Variants in ENOX2 observed in about 807,000 individuals in gnomAD.
ENOX2 encodes the protein ecto-NOX disulfide-thiol exchanger 2.
A neutral mutation model predicts 45.0 loss-of-function variants in ENOX2; 36 were observed. The observed-to-expected ratio is 0.80, with a 90% CI of 0.61 to 1.06. The LOEUF (loss-of-function observed/expected upper bound fraction) is 1.06, where lower values mean the gene tolerates loss of function less well. ENOX2 is among the 50% of genes least tolerant of loss of function. The probability of loss-of-function intolerance (pLI) is 0.00; values close to 1 mark genes in which losing one functional copy is unlikely to be tolerated. For synonymous variants in ENOX2, 174 were observed against 152.3 expected (o/e 1.14, Z -1.05); for missense variants, 423 against 462.5 (o/e 0.91, Z 0.78).
intron 10 of ENOX2, among the ~76,000 whole-genome samples, chrX:130,653,272 G>T (rs1310741557): frequency 8.9e-6 from 1 of 111,826 alleles, no homozygotes; most frequent in African/African-American, 3.3e-5. Flanking sequence ...TCCTGTAAAA[G>T]TATCTGGTTA....
chrX:130,802,908 A>G (rs1419673930), intron 2 of ENOX2, among the ~76,000 whole-genome samples: 1 of 112,447 alleles, frequency 8.9e-6, no homozygotes, highest in Non-Finnish European at 1.9e-5. Context: ...TTAAATAAAC[A>G]AAGGCAATGG....
intron 10 of ENOX2, among the ~76,000 whole-genome samples, chrX:130,649,446 G>T (rs1387075411): frequency 9.0e-6 from 1 of 111,178 alleles, no homozygotes; most frequent in African/African-American, 3.3e-5. Context: ...AGTATGTACT[G>T]ATGTAGGCTG....
At chrX:130,865,069 G>A (rs1338657065) in intron 2 of ENOX2, among the ~76,000 whole-genome samples, 1 of 101,045 alleles carries the variant, frequency 9.9e-6, no homozygotes, top group East Asian at 3.1e-4. Context: ...TGAAATTAAC[G>A]AATACACTGG....
chrX:130,639,315 G>A (rs1286886266), intron 10 of ENOX2, among the ~76,000 whole-genome samples: 1 of 111,444 alleles, frequency 9.0e-6, no homozygotes, highest in Non-Finnish European at 1.9e-5. Context: ...CACCAAAGGT[G>A]TGTGTGTGTG....
At chrX:130,812,632 T>G (rs763253201) in intron 2 of ENOX2, among the ~76,000 whole-genome samples, 1 of 112,046 alleles carries the variant, frequency 8.9e-6, no homozygotes, top group South Asian at 3.7e-4. Flanking sequence ...ATAATTACCA[T>G]GAATGTAAAT....
At chrX:130,864,109 T>C (rs753727863) in intron 2 of ENOX2, among the ~76,000 whole-genome samples, 1 of 110,609 alleles carries the variant, frequency 9.0e-6, no homozygotes, top group African/African-American at 3.3e-5. Context: ...AAAAATCATA[T>C]AGGTGTGAGT....
At chrX:130,791,355 T>C (rs967859970) in intron 2 of ENOX2, among the ~76,000 whole-genome samples, 5 of 110,985 alleles carry the variant, frequency 4.5e-5, no homozygotes, top group African/African-American at 1.6e-4. Context: ...CGCAGTGCCT[T>C]GTATTATATT....
At chrX:130,858,852 T>C (rs906410032) in intron 2 of ENOX2, among the ~76,000 whole-genome samples, 12 of 112,253 alleles carry the variant, frequency 1.1e-4, no homozygotes, top group African/African-American at 3.6e-4. Flanking sequence ...TTCAAAGTTG[T>C]AGAGAAAAAT....
At chrX:130,773,855 T>C (rs2039795878) in intron 3 of ENOX2, among the ~76,000 whole-genome samples, 1 of 112,245 alleles carries the variant, frequency 8.9e-6, no homozygotes, top group Non-Finnish European at 1.9e-5. Flanking sequence ...ATGACTTAAA[T>C]TGAATAGCTC....
chrX:130,812,092 A>T (rs2077399249), intron 2 of ENOX2, among the ~76,000 whole-genome samples: 1 of 112,094 alleles, frequency 8.9e-6, no homozygotes, highest in Non-Finnish European at 1.9e-5. Context: ...AGCAAACATT[A>T]GTTATAGAAA....
intron 2 of ENOX2, among the ~76,000 whole-genome samples, chrX:130,796,181 A>G (rs2077122943): frequency 9.0e-6 from 1 of 111,098 alleles, no homozygotes; most frequent in Non-Finnish European, 1.9e-5. Flanking sequence ...CAGTGGGATG[A>G]AAAAAAATGA....
chrX:130,703,208 T>C lies in ENOX2; in HGVS notation c.9A>G (p.Leu3=), dbSNP rs766374166. ...CCCATGCAGTTGGATCAGACATAGG[T>C]AGTGTCATTGCAGTGGAATCCACGT... is the stretch of plus-strand genomic sequence containing the variant. MT[L]PMSDPTAWAT... is the part of the protein sequence containing the mutation. The change falls in exon 4 of 15, where the codon CTA becomes CTG. Residue 3 remains leucine (L), a synonymous_variant. Transcript: ENST00000394363. 15 of 1,202,637 alleles carry C rather than the reference T, an allele frequency of 1.2e-5. No homozygotes were observed. In the African/African-American group the frequency reaches 2.1e-4, roughly 17 times the overall value.
Position 130,679,715 on chromosome X carries a change from G to C in ENOX2, c.287C>G (p.Pro96Arg), listed in dbSNP as rs776209709. ...ACCCACAAATACTGTTTTGCATCCTGGTGGTCTTTCTCGGGTTGCAGGAGG... is the reference window on the plus strand; with the variant it reads ...ACCCACAAATACTGTTTTGCATCCTCGTGGTCTTTCTCGGGTTGCAGGAGG... ...LPPPATRERP[P>R]GCKTVFVGGL... Residue 96 changes from proline (P) to arginine (R), a missense_variant, in exon 6 of 15, where the codon CCA (proline) becomes CGA (arginine). By Grantham distance (103) the Pro-to-Arg change is moderately radical. Coordinates refer to ENST00000394363, the MANE Select transcript of ENOX2 (RefSeq NM_006375.4). 8.3e-7 allele frequency: 1 copy of C among 1,211,109 alleles called. No homozygotes were observed. The highest frequency in any genetic ancestry group is 1.1e-6 in the Non-Finnish European group (1 of 894,788).
intron 2 of ENOX2, among the ~76,000 whole-genome samples, chrX:130,857,894 A>T (rs769570663): frequency 8.9e-6 from 1 of 111,813 alleles, no homozygotes; most frequent in African/African-American, 3.2e-5. Flanking sequence ...GAATTTTTTT[A>T]ATTACAAATG....
At chrX:130,902,311 T>C (rs1328259189) in intron 1 of ENOX2, among the ~76,000 whole-genome samples, 4 of 111,525 alleles carry the variant, frequency 3.6e-5, no homozygotes, top group Non-Finnish European at 7.5e-5. Context: ...AGCGCTGGAT[T>C]TTTATAACCA....
At chrX:130,681,960 T>C (rs769572167) in intron 5 of ENOX2, among the ~76,000 whole-genome samples, 1 of 109,685 alleles carries the variant, frequency 9.1e-6, no homozygotes, top group East Asian at 2.9e-4. Flanking sequence ...ACCACTCATA[T>C]GGATAGAGAA....
intron 10 of ENOX2, among the ~76,000 whole-genome samples, chrX:130,642,567 C>G (rs1033465923): frequency 1.2e-4 from 14 of 112,358 alleles, no homozygotes; most frequent in African/African-American, 4.5e-4. Flanking sequence ...TGCTATCAAA[C>G]AGCATTACAT....
intron 4 of ENOX2, among the ~76,000 whole-genome samples, chrX:130,696,704 T>C (rs1312228737): frequency 9.0e-6 from 1 of 111,606 alleles, no homozygotes; most frequent in Non-Finnish European, 1.9e-5. Context: ...TGTGCTCCCC[T>C]ATATATGAAA....
chrX:130,694,841 T>C (rs1245970080), intron 4 of ENOX2, among the ~76,000 whole-genome samples: 9 of 110,701 alleles, frequency 8.1e-5, no homozygotes, highest in Non-Finnish European at 1.3e-4. Context: ...GATCTCAGGC[T>C]ATCTTCTTGC....
Sources: allele counts gnomAD v4.1 joint callset (sites outside exome capture counted in the v4.1 genomes callset), GRCh38; gene constraint gnomAD v4.1.1; transcripts MANE v1.5; gene names NCBI Gene and HGNC (gene_info 2026-07-23, HGNC 2026-07-21).